TCF12: variants seen among roughly 807,000 people sequenced by gnomAD.
TCF12 encodes transcription factor 12.
A neutral mutation model predicts 86.0 loss-of-function variants in TCF12; 45 were observed. The ratio of observed to expected loss-of-function variants is 0.52; its 90% CI spans 0.41 to 0.67. TCF12 has a LOEUF of 0.67. TCF12 is among the 30% of genes least tolerant of loss of function. The probability of loss-of-function intolerance (pLI) is 0.00; values close to 1 mark genes in which losing one functional copy is unlikely to be tolerated. For missense variants in TCF12, 881 were observed against 859.9 expected (o/e 1.02, Z -0.31); for synonymous variants, 330 against 299.6 (o/e 1.10, Z -1.05).
chr15:56,956,162 G>A (rs213149), intron 3 of TCF12, among the ~76,000 whole-genome samples: 83,998 of 151,318 alleles, frequency 0.56, 24,604 homozygotes, highest in African/African-American at 0.74. Flanking sequence ...TGGGTTCTGC[G>A]TTTTTTATCT....
chr15:57,110,309 A>G (rs1457935637), intron 5 of TCF12, among the ~76,000 whole-genome samples: 1 of 8,254 alleles, frequency 1.2e-4, no homozygotes, highest in African/African-American at 1.7e-4. Context: ...TAAATATACC[A>G]TAGTTGGGGG....
intron 3 of TCF12, among the ~76,000 whole-genome samples, chr15:56,991,366 CCAGTTAG>C (rs1166626676): frequency 2.0e-5 from 3 of 152,092 alleles, no homozygotes; most frequent in African/African-American, 7.2e-5. Flanking sequence ...AAATGGTTGA[CCAGTTAG>C]AGACATAGGA....
At chr15:57,113,180 C>G (rs2151244029) in intron 5 of TCF12, among the ~76,000 whole-genome samples, 2 of 152,328 alleles carry the variant, frequency 1.3e-5, no homozygotes, top group South Asian at 4.1e-4. Flanking sequence ...CTCCCTATTT[C>G]TAGAGCTAAT....
intron 3 of TCF12, among the ~76,000 whole-genome samples, chr15:57,005,589 A>C (rs1334154617): frequency 1.3e-5 from 2 of 152,096 alleles, no homozygotes; most frequent in Non-Finnish European, 2.9e-5. Context: ...TTATTTGTAG[A>C]CAGGGCCTTG....
chr15:57,076,934 C>T (rs1406200131), intron 4 of TCF12, among the ~76,000 whole-genome samples: 2 of 152,060 alleles, frequency 1.3e-5, no homozygotes, highest in Non-Finnish European at 2.9e-5. Flanking sequence ...ATTGAGTTAA[C>T]TTGTTATCTC....
intron 3 of TCF12, among the ~76,000 whole-genome samples, chr15:57,040,778 G>A (rs1216490344): frequency 6.6e-6 from 1 of 152,094 alleles, no homozygotes; most frequent in African/African-American, 2.4e-5. Context: ...CCTTGATTAG[G>A]GTGAAAAATT....
At chr15:57,274,686 C>T (rs2061298915) in intron 19 of TCF12, among the ~76,000 whole-genome samples, 1 of 152,160 alleles carries the variant, frequency 6.6e-6, no homozygotes, top group Non-Finnish European at 1.5e-5. Flanking sequence ...TCCTCTTCTT[C>T]AGCCCAGGAT....
Position 56,920,007 on chromosome 15 carries a change from G to C in TCF12, c.75+19G>C, listed in dbSNP as rs114810579. On this transcript the variant is annotated intron_variant, in intron 2 of 20. Transcript: ENST00000333725. ...CAGTGCGGTATGAGAGCTTTCCATGGCATCTTGGGGTTCTGCTGAGGTTTT... is the reference window on the plus strand; with the variant it reads ...CAGTGCGGTATGAGAGCTTTCCATGCCATCTTGGGGTTCTGCTGAGGTTTT... 4.6e-4 allele frequency: 736 copies of C among 1,613,498 alleles called. 3 individuals are homozygous for C. The African/African-American group carries it at 7.4e-3, about 16-fold the overall frequency.
At chr15:57,244,654 T>G (rs1313581528) in intron 13 of TCF12, among the ~76,000 whole-genome samples, 2 of 151,950 alleles carry the variant, frequency 1.3e-5, no homozygotes, top group Non-Finnish European at 2.9e-5. Context: ...AGAGATGGAG[T>G]TTCACCATGT....
intron 19 of TCF12, among the ~76,000 whole-genome samples, chr15:57,279,884 C>CTTTTTTTTTTT (rs34752903): frequency 1.0e-5 from 1 of 98,306 alleles, no homozygotes; most frequent in African/African-American, 4.7e-5. Flanking sequence ...CACAGTCTCA[C>CTTTTTTTTTTT]TTTTTTTTTT....
At chr15:57,050,601 G>A (rs1216552749) in intron 3 of TCF12, among the ~76,000 whole-genome samples, 5 of 151,904 alleles carry the variant, frequency 3.3e-5, no homozygotes, top group African/African-American at 1.2e-4. Context: ...ACTGATTTGG[G>A]GAAATTTTTG....
Position 57,117,909 on chromosome 15 carries a change from G to A in TCF12, c.325+26018G>A, listed in dbSNP as rs533804542. On this transcript the variant is annotated intron_variant, in intron 5 of 20. Coordinates refer to ENST00000333725, the MANE Select transcript of TCF12 (RefSeq NM_207037.2). ...TTTGTGAAGAGTTTATATTTCAATA[G>A]TCTGTCCATAGAAATATAAGGGGGG... 2.5e-4 allele frequency among the ~76,000 whole-genome samples: 38 copies of A among 151,882 alleles called. No homozygotes were observed. In the East Asian group the frequency reaches 7.1e-3, roughly 29 times the overall value.
At chr15:57,239,950 C>T (rs776711026) in intron 12 of TCF12, among the ~76,000 whole-genome samples, 8 of 152,046 alleles carry the variant, frequency 5.3e-5, no homozygotes, top group Non-Finnish European at 1.0e-4. Flanking sequence ...GGAGTCATAC[C>T]TGGATGTGAT....
chr15:57,033,105 C>G (rs1306555124), intron 3 of TCF12, among the ~76,000 whole-genome samples: 2 of 151,488 alleles, frequency 1.3e-5, no homozygotes, highest in Non-Finnish European at 2.9e-5. Flanking sequence ...AAAGATAGGT[C>G]AATAGAAATT....
At chr15:56,921,824 A>G (rs1350122146) in intron 3 of TCF12, among the ~76,000 whole-genome samples, 4 of 152,050 alleles carry the variant, frequency 2.6e-5, no homozygotes, top group African/African-American at 7.2e-5. Flanking sequence ...ACATCAGAAA[A>G]TAAGGTTAAT....
At chr15:57,174,554 C>T (rs1373216568) in intron 6 of TCF12, among the ~76,000 whole-genome samples, 1 of 152,012 alleles carries the variant, frequency 6.6e-6, no homozygotes, top group Non-Finnish European at 1.5e-5. Flanking sequence ...TGTATGAGGA[C>T]AAGAAATAAG....
At chr15:56,975,774 T>C (rs1357569537) in intron 3 of TCF12, among the ~76,000 whole-genome samples, 3 of 152,096 alleles carry the variant, frequency 2.0e-5, no homozygotes, top group Non-Finnish European at 4.4e-5. Context: ...TCAAATTTTC[T>C]TTGTATCTAA....
At chr15:57,083,107 A>G (rs575334066) in intron 4 of TCF12, among the ~76,000 whole-genome samples, 1 of 152,314 alleles carries the variant, frequency 6.6e-6, no homozygotes, top group Non-Finnish European at 1.5e-5. Context: ...TTAGATAATA[A>G]TATGTAATGA....
chr15:57,103,516 A>G lies in TCF12; in HGVS notation c.325+11625A>G, dbSNP rs115494668. ...AAGTTAAACGCAAATTGTATAAAGA[A>G]AACAGTCCCAAACGCACTTATGAAG... On this transcript the variant is annotated intron_variant, in intron 5 of 20. Coordinates refer to ENST00000333725, the MANE Select transcript of TCF12 (RefSeq NM_207037.2). 8.1e-3 allele frequency among the ~76,000 whole-genome samples: 1,228 copies of G among 152,320 alleles called. 13 individuals are homozygous for G. The highest frequency in any genetic ancestry group is 0.029 in the African/African-American group (1,190 of 41,558).
Sources: allele counts gnomAD v4.1 joint callset (sites outside exome capture counted in the v4.1 genomes callset), GRCh38; gene constraint gnomAD v4.1.1; transcripts MANE v1.5; gene names NCBI Gene and HGNC (gene_info 2026-07-23, HGNC 2026-07-21).